CFAP299: variants seen among roughly 807,000 people sequenced by gnomAD.
CFAP299 encodes the protein cilia and flagella associated protein 299.
CFAP299 carries 21 observed loss-of-function variants against 27.0 expected under a neutral mutation model. The observed-to-expected ratio is 0.78, with a 90% CI of 0.55 to 1.12. The LOEUF is 1.12. Ranked by LOEUF, CFAP299 falls within the 50% of genes most tolerant of loss-of-function variation. The probability of loss-of-function intolerance (pLI) is 0.00; values close to 1 mark genes in which losing one functional copy is unlikely to be tolerated. For missense variants in CFAP299, 310 were observed against 276.6 expected (o/e 1.12, Z -0.86); for synonymous variants, 104 against 98.1 (o/e 1.06, Z -0.36).
chr4:80,388,275 T>C, intron 2 of CFAP299: 1 of 688,550 alleles, frequency 1.5e-6, no homozygotes, highest in Non-Finnish European at 2.7e-6. Flanking sequence ...TCCAGGGATG[T>C]GAAGCCTGAA....
intron 4 of CFAP299, among the ~76,000 whole-genome samples, chr4:80,901,934 A>T (rs896162119): frequency 6.6e-6 from 1 of 152,056 alleles, no homozygotes; most frequent in Non-Finnish European, 1.5e-5. Context: ...CACTTGACTT[A>T]GGCTAAAGTT....
chr4:80,375,074 C>T (rs1033780196), intron 2 of CFAP299, among the ~76,000 whole-genome samples: 39 of 151,954 alleles, frequency 2.6e-4, no homozygotes, highest in Admixed American at 1.2e-3. Context: ...AGCAATGGCC[C>T]GCACCAAGTG....
At chr4:80,491,010 G>A (rs1239795651) in intron 2 of CFAP299, among the ~76,000 whole-genome samples, 1 of 142,536 alleles carries the variant, frequency 7.0e-6, no homozygotes, top group Non-Finnish European at 1.5e-5. Flanking sequence ...CAAGTAGTTT[G>A]TCATTCTGCT....
intron 3 of CFAP299, among the ~76,000 whole-genome samples, chr4:80,866,449 G>C (rs1183719785): frequency 6.6e-6 from 1 of 152,020 alleles, no homozygotes; most frequent in Non-Finnish European, 1.5e-5. Context: ...CATACTTAAA[G>C]GAGAATCATG....
chr4:80,851,344 C>T (rs1031684212), intron 3 of CFAP299, among the ~76,000 whole-genome samples: 2 of 152,216 alleles, frequency 1.3e-5, no homozygotes, highest in African/African-American at 4.8e-5. Flanking sequence ...CTTTGTAAAA[C>T]TTCCATCAAC....
intron 2 of CFAP299, chr4:80,386,985 C>T: frequency 9.5e-7 from 1 of 1,054,068 alleles, no homozygotes; most frequent in Non-Finnish European, 1.5e-6. Flanking sequence ...GCCCTTGAAC[C>T]TGCCCCCACT....
chr4:80,586,817 T>TGA (rs1356549063), intron 3 of CFAP299, among the ~76,000 whole-genome samples: 2 of 152,178 alleles, frequency 1.3e-5, no homozygotes, highest in Non-Finnish European at 2.9e-5. Context: ...GTGGGAAAAG[T>TGA]GAGACCCATT....
intron 2 of CFAP299, among the ~76,000 whole-genome samples, chr4:80,533,726 A>G (rs1014236539): frequency 1.3e-5 from 2 of 152,210 alleles, no homozygotes; most frequent in African/African-American, 2.4e-5. Flanking sequence ...TCAATTTTAC[A>G]TCACTTAGTG....
chr4:80,664,778 A>G (rs899790068), intron 3 of CFAP299, among the ~76,000 whole-genome samples: 1 of 151,904 alleles, frequency 6.6e-6, no homozygotes, highest in Non-Finnish European at 1.5e-5. Context: ...CTGGGGTATG[A>G]AAAAAAACTC....
intron 2 of CFAP299, among the ~76,000 whole-genome samples, chr4:80,558,644 A>G (rs1734898835): frequency 6.6e-6 from 1 of 151,952 alleles, no homozygotes; most frequent in Non-Finnish European, 1.5e-5. Context: ...AATATTTTAT[A>G]ATCCCAGATG....
chr4:80,890,409 T>G (rs1213399974), intron 4 of CFAP299, among the ~76,000 whole-genome samples: 1 of 152,132 alleles, frequency 6.6e-6, no homozygotes, highest in Non-Finnish European at 1.5e-5. Context: ...ACCTAGGAAT[T>G]AATTTACCCA....
chr4:80,703,847 A>T (rs549391100), intron 3 of CFAP299, among the ~76,000 whole-genome samples: 1 of 151,794 alleles, frequency 6.6e-6, no homozygotes, highest in Middle Eastern at 3.4e-3. Flanking sequence ...GACAATTTCC[A>T]GTCTACTTCT....
At chr4:80,855,238 G>A (rs13136488) in intron 3 of CFAP299, among the ~76,000 whole-genome samples, 22,086 of 151,806 alleles carry the variant, frequency 0.15, 1,971 homozygotes, top group Middle Eastern at 0.26. Flanking sequence ...TGTGTACATG[G>A]GTGTGTTTCT....
chr4:80,392,142 G>C (rs1725518225), intron 2 of CFAP299, among the ~76,000 whole-genome samples: 1 of 152,194 alleles, frequency 6.6e-6, no homozygotes, highest in Admixed American at 6.5e-5. Flanking sequence ...CATTTGGAAT[G>C]GGTGTATTTA....
chr4:80,687,591 A>G (rs72864823), intron 3 of CFAP299, among the ~76,000 whole-genome samples: 14,948 of 152,216 alleles, frequency 0.098, 1,103 homozygotes, highest in East Asian at 0.23. Flanking sequence ...TGTTGATTAC[A>G]TCCTGATCAG....
At chr4:80,708,868 G>C (rs1721973817) in intron 3 of CFAP299, among the ~76,000 whole-genome samples, 1 of 152,074 alleles carries the variant, frequency 6.6e-6, no homozygotes, top group African/African-American at 2.4e-5. Context: ...TATTAAAATT[G>C]ATAACTATAA....
intron 2 of CFAP299, among the ~76,000 whole-genome samples, chr4:80,417,968 G>A (rs1371008341): frequency 6.6e-6 from 1 of 152,078 alleles, no homozygotes; most frequent in Non-Finnish European, 1.5e-5. Flanking sequence ...AGATCTGCTG[G>A]CACCTTGATC....
intron 3 of CFAP299, among the ~76,000 whole-genome samples, chr4:80,866,059 T>TTATTTATATATATA (rs1553901533): frequency 1.7e-5 from 1 of 58,374 alleles, no homozygotes; most frequent in Non-Finnish European, 4.5e-5. Context: ...ACTTAAAGTA[T>TTATTTATATATATA]TATATATATA....
At chr4:80,798,391 C>A (rs980426416) in intron 3 of CFAP299, among the ~76,000 whole-genome samples, 8 of 152,112 alleles carry the variant, frequency 5.3e-5, no homozygotes, top group Non-Finnish European at 1.2e-4. Context: ...GCTGTTTCTT[C>A]TGGCAAAAAA....
Sources: allele counts gnomAD v4.1 joint callset (sites outside exome capture counted in the v4.1 genomes callset), GRCh38; gene constraint gnomAD v4.1.1; transcripts MANE v1.5; gene names NCBI Gene and HGNC (gene_info 2026-07-23, HGNC 2026-07-21).